Variants in KIF26B observed in about 807,000 individuals in gnomAD.
KIF26B encodes kinesin-like protein KIF26B.
A neutral mutation model predicts 151.2 loss-of-function variants in KIF26B; 63 were observed. That is an observed-to-expected ratio of 0.42 (90% CI 0.34 to 0.51). The LOEUF is 0.51. KIF26B is among the 20% of genes least tolerant of loss of function. The pLI, the probability that KIF26B is intolerant of heterozygous loss-of-function variation, is 0.07. For synonymous variants in KIF26B, 1,357 were observed against 1,262.1 expected (o/e 1.08, Z -1.59); for missense variants, 2,813 against 2,913.6 (o/e 0.97, Z 0.79).
intron 3 of KIF26B, among the ~76,000 whole-genome samples, chr1:245,377,202 A>C (rs1202899722): frequency 6.6e-6 from 1 of 152,256 alleles, no homozygotes; most frequent in East Asian, 1.9e-4. Context: ...GGCGTGAGCC[A>C]CCGCCCCCAG....
intron 2 of KIF26B, among the ~76,000 whole-genome samples, chr1:245,219,201 C>T (rs181709245): frequency 3.5e-4 from 45 of 126,986 alleles, no homozygotes; most frequent in African/African-American, 1.2e-3. Context: ...TGCAGTGATG[C>T]GATCTCAGCT....
At chr1:245,535,407 T>G (rs1661467508) in intron 4 of KIF26B, among the ~76,000 whole-genome samples, 1 of 152,220 alleles carries the variant, frequency 6.6e-6, no homozygotes, top group South Asian at 2.1e-4. Context: ...TTATATGCAT[T>G]CTCAAGATGA....
intron 2 of KIF26B, among the ~76,000 whole-genome samples, chr1:245,345,646 C>T (rs1433199833): frequency 6.6e-6 from 1 of 151,986 alleles, no homozygotes; most frequent in Non-Finnish European, 1.5e-5. Flanking sequence ...TCACGAATGG[C>T]TAAGCACCGT....
intron 9 of KIF26B, among the ~76,000 whole-genome samples, chr1:245,625,016 T>C (rs1313313528): frequency 6.6e-6 from 1 of 152,182 alleles, no homozygotes; most frequent in East Asian, 1.9e-4. Flanking sequence ...GTATCATTTG[T>C]TGTAAAAAGC....
At chr1:245,507,336 G>A (rs1660745261) in intron 4 of KIF26B, among the ~76,000 whole-genome samples, 1 of 152,198 alleles carries the variant, frequency 6.6e-6, no homozygotes, top group African/African-American at 2.4e-5. Context: ...CCAGGAGGAT[G>A]CAGGATTGTA....
chr1:245,537,900 C>T (rs1204226997), intron 4 of KIF26B, among the ~76,000 whole-genome samples: 1 of 152,192 alleles, frequency 6.6e-6, no homozygotes, highest in East Asian at 1.9e-4. Context: ...TAATCATAGG[C>T]ATTAAGGATG....
At chr1:245,302,491 T>C (rs1256514067) in intron 2 of KIF26B, among the ~76,000 whole-genome samples, 1 of 152,208 alleles carries the variant, frequency 6.6e-6, no homozygotes, top group Non-Finnish European at 1.5e-5. Context: ...GATAGAGTGC[T>C]CAAGATGGGT....
intron 2 of KIF26B, among the ~76,000 whole-genome samples, chr1:245,230,297 A>G (rs549862823): frequency 1.3e-5 from 2 of 152,318 alleles, no homozygotes; most frequent in East Asian, 3.9e-4. Context: ...ACTTCCAAAG[A>G]TACTGCACTT....
At chr1:245,407,402 G>A (rs1572046621) in intron 3 of KIF26B, among the ~76,000 whole-genome samples, 1 of 151,964 alleles carries the variant, frequency 6.6e-6, no homozygotes, top group South Asian at 2.1e-4. Context: ...TTCTCTCCCC[G>A]CTTCCCATCT....
At position 245,652,109 on chromosome 1, in the gene KIF26B, T is replaced by G. The variant is rs2044023344; in HGVS notation, c.2258+5829T>G. ...AGAGGTTCATGTAAGAATCTGTGTGTGTGTGTGTGTGTGTGTGTGTGTGTG... is the reference window on the plus strand; with the variant it reads ...AGAGGTTCATGTAAGAATCTGTGTGGGTGTGTGTGTGTGTGTGTGTGTGTG... On this transcript the variant is annotated intron_variant, in intron 10 of 14. Coordinates refer to ENST00000407071, the MANE Select transcript of KIF26B (RefSeq NM_018012.4). Among the ~76,000 whole-genome samples, 3 of 51,658 alleles carry G rather than the reference T, an allele frequency of 5.8e-5. No individual in the cohort carries two copies. In the South Asian group the frequency reaches 1.5e-3, roughly 27 times the overall value. The allele number at this position is 51,658 out of a possible 152,430, so 33.9% of individuals were successfully genotyped here.
intron 5 of KIF26B, among the ~76,000 whole-genome samples, chr1:245,552,268 G>A (rs1263080761): frequency 6.6e-6 from 1 of 151,860 alleles, no homozygotes; most frequent in Non-Finnish European, 1.5e-5. Flanking sequence ...GGTGCAGCTG[G>A]AGTCCAAAGG....
At chr1:245,413,563 T>G (rs552623209) in intron 3 of KIF26B, among the ~76,000 whole-genome samples, 1 of 152,260 alleles carries the variant, frequency 6.6e-6, no homozygotes, top group South Asian at 2.1e-4. Flanking sequence ...CTCAGGAGGC[T>G]GAGGCGGGAG....
chr1:245,270,705 TC>T (rs1198410155), intron 2 of KIF26B, among the ~76,000 whole-genome samples: 1 of 152,216 alleles, frequency 6.6e-6, no homozygotes, highest in Non-Finnish European at 1.5e-5. Flanking sequence ...GCATGTATTT[TC>T]TCCCACTGCA....
Position 245,540,740 on chromosome 1 carries a change from C to A in KIF26B, c.1167-27C>A, listed in dbSNP as rs779470201. The A allele has an allele frequency of 1.3e-6, 2 of 1,590,782 alleles. No homozygotes were observed. Among genetic ancestry groups the A allele is most frequent in the Non-Finnish European group, 1.7e-6 (2 of 1,158,818 alleles). ...CAGATCTGATCGTACAATCATTTTC[C>A]CCTTATTGTTCCTTTTTCCACTCCA... On this transcript the variant is annotated intron_variant, in intron 4 of 14. Transcript: ENST00000407071. This position sits in a 1 kb window ranked among gnomAD's most constrained non-coding sequence, Gnocchi z 4.6.
intron 6 of KIF26B, among the ~76,000 whole-genome samples, 153 bp from the exon 7 acceptor site, chr1:245,607,498 G>C (rs1271637454): frequency 6.6e-6 from 1 of 152,228 alleles, no homozygotes; most frequent in Non-Finnish European, 1.5e-5. Flanking sequence ...GGGGTTCTGA[G>C]CATCTCCAAA....
rs895721839 is a variant in KIF26B at position 245,560,688 on chromosome 1, C to A, written c.1350+19738C>A. Among the ~76,000 whole-genome samples the A allele has an allele frequency of 6.6e-6, 1 of 152,152 alleles. No individual in the cohort carries two copies. Among genetic ancestry groups the A allele is most frequent in the African/African-American group, 2.4e-5 (1 of 41,440 alleles). On this transcript the variant is annotated intron_variant, in intron 5 of 14. Transcript: ENST00000407071. This position sits in a 1 kb window ranked among gnomAD's most constrained non-coding sequence, Gnocchi z 4.3. ...CAAACCTGTCAACCTGTCAGTCTCT[C>A]CCCTCTCACGGAAGCCTGACATGTA...
rs149912852 is a variant in KIF26B, at chr1:245,639,883, G to C, written c.2099-6238G>C. Among the ~76,000 whole-genome samples, 859 of 151,648 alleles carry C rather than the reference G, an allele frequency of 5.7e-3. 2 individuals are homozygous for C. The highest frequency in any genetic ancestry group is 0.019 in the African/African-American group (806 of 41,424). ...AGACATGTTTTGTGGCCTATCATAT[G>C]GTCTGTCCTGGAGAATGTTCCATGT... On this transcript the variant is annotated intron_variant, in intron 9 of 14. Transcript: ENST00000407071.
chr1:245,548,621 G>A (rs1264389669), intron 5 of KIF26B, among the ~76,000 whole-genome samples: 1 of 152,188 alleles, frequency 6.6e-6, no homozygotes, highest in Non-Finnish European at 1.5e-5. Flanking sequence ...GCACTAACTT[G>A]TCATCCCACT....
At chr1:245,610,730 C>T (rs935715765) in intron 8 of KIF26B, among the ~76,000 whole-genome samples, 6 of 152,122 alleles carry the variant, frequency 3.9e-5, no homozygotes, top group African/African-American at 1.4e-4. Context: ...AAGAAAAGAC[C>T]AATATTCCCT....
Sources: gnomAD v4.1 joint callset for allele counts (sites outside exome capture counted in the v4.1 genomes callset) on GRCh38, gnomAD v4.1.1 for gene constraint, Gnocchi (gnomAD v3.1) non-coding constraint, MANE v1.5 for transcripts, NCBI Gene and HGNC (gene_info 2026-07-23, HGNC 2026-07-21) for gene names.